The following OPCML variants were observed in gnomAD, a reference collection of about 807,000 sequenced individuals.
OPCML encodes opioid binding protein/cell adhesion molecule like.
In OPCML, 13 loss-of-function variants were observed where a neutral mutation model predicts 37.8. That is an observed-to-expected ratio of 0.34 (90% CI 0.22 to 0.55). OPCML has a LOEUF of 0.55. Ranked by LOEUF, OPCML falls within the 20% of genes least tolerant of loss-of-function variation. The probability of loss-of-function intolerance (pLI) is 0.91; values close to 1 mark genes in which losing one functional copy is unlikely to be tolerated. For synonymous variants in OPCML, 176 were observed against 168.8 expected, an observed-to-expected ratio of 1.04 and a Z score of -0.33; for missense variants, 341 against 435.6, an observed-to-expected ratio of 0.78 and a Z score of 1.93.
intron 2 of OPCML, among the ~76,000 whole-genome samples, chr11:132,840,886 T>C (rs1005314864): frequency 1.3e-5 from 2 of 151,048 alleles, no homozygotes; most frequent in African/African-American, 4.9e-5. Flanking sequence ...GGGAAGAACG[T>C]AGTGAGAGGG....
intron 2 of OPCML, among the ~76,000 whole-genome samples, chr11:132,667,328 C>T (rs772289561): frequency 6.6e-6 from 1 of 152,304 alleles, no homozygotes; most frequent in Admixed American, 6.5e-5. Flanking sequence ...TCTTAATTCA[C>T]TAAATCCGAG....
At chr11:133,273,814 G>A (rs1476312497) in intron 1 of OPCML, among the ~76,000 whole-genome samples, 2 of 152,244 alleles carry the variant, frequency 1.3e-5, no homozygotes, top group Non-Finnish European at 1.5e-5. Context: ...GCCAATGTCC[G>A]TCATTATCAA....
At chr11:132,884,050 G>A (rs543459438) in intron 2 of OPCML, among the ~76,000 whole-genome samples, 2 of 152,156 alleles carry the variant, frequency 1.3e-5, no homozygotes, top group African/African-American at 4.8e-5. Context: ...GAGCTGGAAG[G>A]CATCTTAAAA....
chr11:132,913,284 C>T (rs180928313), intron 2 of OPCML, among the ~76,000 whole-genome samples: 1 of 152,146 alleles, frequency 6.6e-6, no homozygotes, highest in Non-Finnish European at 1.5e-5. Context: ...GGTAAAAACA[C>T]TTCTAAGAGC....
chr11:133,215,802 G>A (rs375181464), intron 1 of OPCML, among the ~76,000 whole-genome samples: 1 of 152,094 alleles, frequency 6.6e-6, no homozygotes, highest in Admixed American at 6.5e-5. Flanking sequence ...CACCATGCAC[G>A]AGCAGACCCG....
chr11:132,710,979 G>A (rs899268033), intron 2 of OPCML, among the ~76,000 whole-genome samples: 7 of 152,194 alleles, frequency 4.6e-5, no homozygotes, highest in African/African-American at 1.7e-4. Context: ...TTTGCATGCT[G>A]TGGAGGAGGA....
intron 3 of OPCML, among the ~76,000 whole-genome samples, chr11:132,605,592 A>T (rs2137807776): frequency 6.6e-6 from 1 of 151,210 alleles, no homozygotes; most frequent in African/African-American, 2.4e-5. Flanking sequence ...AAAATAAATA[A>T]AAAGGACACC....
chr11:133,211,346 A>C lies in OPCML; in HGVS notation c.62-268336T>G, dbSNP rs542659328. Among the ~76,000 whole-genome samples the C allele has an allele frequency of 1.4e-3, 210 of 152,296 alleles. No individual in the cohort carries two copies. The highest frequency in any genetic ancestry group is 4.7e-3 in the African/African-American group (196 of 41,554). On this transcript the variant is annotated intron_variant, in intron 1 of 7. Coordinates refer to ENST00000524381, the MANE Select transcript of OPCML (RefSeq NM_001012393.5). This position sits in a 1 kb window ranked among gnomAD's most constrained non-coding sequence, Gnocchi z 4.1. ...AGCATAATAGTCTATTGATTACCTC[A>C]GTTATTGAACCCTGGGAAGTTCTGA...
intron 3 of OPCML, among the ~76,000 whole-genome samples, chr11:132,617,893 A>C (rs1939137456): frequency 6.6e-6 from 1 of 152,242 alleles, no homozygotes; most frequent in African/African-American, 2.4e-5. Flanking sequence ...CCTGTCTCCC[A>C]AAATAATCAA....
chr11:132,676,849 T>C (rs1942732068), intron 2 of OPCML, among the ~76,000 whole-genome samples: 1 of 148,714 alleles, frequency 6.7e-6, no homozygotes, highest in Non-Finnish European at 1.5e-5. Flanking sequence ...AAGGCAAGGA[T>C]GTCTCTTTGT....
chr11:132,699,255 G>C (rs927177731), intron 2 of OPCML, among the ~76,000 whole-genome samples: 2 of 151,978 alleles, frequency 1.3e-5, no homozygotes, highest in Admixed American at 6.6e-5. Flanking sequence ...TGTTGGTGGA[G>C]GCTTTGGCAT....
chr11:133,008,787 G>A (rs1273335523), intron 1 of OPCML: 2 of 592,512 alleles, frequency 3.4e-6, no homozygotes, highest in African/African-American at 4.0e-5. Flanking sequence ...TCCACTTCCT[G>A]TTCATAGGTG....
At chr11:132,576,880 G>A (rs1197929272) in intron 3 of OPCML, among the ~76,000 whole-genome samples, 6 of 152,126 alleles carry the variant, frequency 3.9e-5, no homozygotes, top group African/African-American at 1.2e-4. Context: ...GCGCTATAGT[G>A]TCTGCCAATC....
chr11:133,310,276 T>G (rs1417023641), intron 1 of OPCML, among the ~76,000 whole-genome samples: 1 of 152,152 alleles, frequency 6.6e-6, no homozygotes, highest in African/African-American at 2.4e-5. Flanking sequence ...TGAACATATG[T>G]TTGCATGCAC....
Position 132,441,158 on chromosome 11 carries a change from C to CTTT in OPCML, c.506-3802_506-3800dup, listed in dbSNP as rs749099654. 1.3e-4 allele frequency among the ~76,000 whole-genome samples: 14 copies of CTTT among 108,054 alleles called. 3 individuals are homozygous for CTTT. Among genetic ancestry groups the CTTT allele is most frequent in the African/African-American group, 4.8e-4 (11 of 22,764 alleles). 70.9% of individuals were successfully genotyped at this position (108,054 alleles called of 152,430 possible). A position where few individuals can be genotyped will look rare whatever the true frequency, so the allele number is the denominator to read the frequency against. ...ATTCTGAAGATGTGTTCACCAAGGA[C>CTTT]TTTTTTGTTTTTTTTTTTTTTTTTT... On this transcript the variant is annotated intron_variant, in intron 4 of 7. Transcript: ENST00000524381.
intron 4 of OPCML, among the ~76,000 whole-genome samples, chr11:132,488,894 C>A (rs992013994): frequency 9.9e-5 from 15 of 152,258 alleles, no homozygotes; most frequent in African/African-American, 1.9e-4. Context: ...GCACATAGGT[C>A]AGACCATGCT....
intron 2 of OPCML, among the ~76,000 whole-genome samples, chr11:132,676,050 G>C (rs971835850): frequency 1.3e-5 from 2 of 152,122 alleles, no homozygotes; most frequent in Admixed American, 6.5e-5. Flanking sequence ...TTACTAAAAA[G>C]CTACAGCAAT....
At chr11:132,783,219 A>T (rs1947094505) in intron 2 of OPCML, among the ~76,000 whole-genome samples, 1 of 152,064 alleles carries the variant, frequency 6.6e-6, no homozygotes, top group Non-Finnish European at 1.5e-5. Context: ...CCAGATGGGG[A>T]TTCGGAGCTG....
chr11:133,331,946 TA>T (rs773396103), intron 1 of OPCML, among the ~76,000 whole-genome samples: 1 of 151,946 alleles, frequency 6.6e-6, no homozygotes, highest in East Asian at 1.9e-4. Context: ...AATTTTAAAA[TA>T]TTTTTTTCTA....
Sources: allele counts gnomAD v4.1 joint callset (sites outside exome capture counted in the v4.1 genomes callset), GRCh38; gene constraint gnomAD v4.1.1; non-coding constraint Gnocchi (gnomAD v3.1); transcripts MANE v1.5; gene names NCBI Gene and HGNC (gene_info 2026-07-23, HGNC 2026-07-21).